The following TMCC1 variants were observed in gnomAD, a reference collection of about 807,000 sequenced individuals.
TMCC1 encodes transmembrane and coiled-coil domains protein 1.
A neutral mutation model predicts 52.4 loss-of-function variants in TMCC1; 15 were observed. That is an observed-to-expected ratio of 0.29 (90% CI 0.19 to 0.44). The LOEUF is 0.44. Ranked by LOEUF, TMCC1 falls within the 20% of genes least tolerant of loss-of-function variation. The probability of loss-of-function intolerance (pLI) is 1.00; values close to 1 mark genes in which losing one functional copy is unlikely to be tolerated. For synonymous variants in TMCC1, 279 were observed against 301.9 expected, an observed-to-expected ratio of 0.92 and a Z score of 0.79; for missense variants, 503 against 806.0, an observed-to-expected ratio of 0.62 and a Z score of 4.55.
intron 2 of TMCC1, among the ~76,000 whole-genome samples, chr3:129,843,229 C>T (rs1223175814): frequency 6.6e-6 from 1 of 152,006 alleles, no homozygotes; most frequent in South Asian, 2.1e-4. Context: ...TGCCTGTAGT[C>T]CCAGCTACTC....
At chr3:129,835,718 C>T (rs1292886188) in intron 2 of TMCC1, among the ~76,000 whole-genome samples, 1 of 152,064 alleles carries the variant, frequency 6.6e-6, no homozygotes, top group Non-Finnish European at 1.5e-5. Flanking sequence ...GGAGTGAGTA[C>T]ATACTGCATA....
intron 4 of TMCC1, among the ~76,000 whole-genome samples, chr3:129,691,351 C>G (rs1196258296): frequency 1.3e-5 from 2 of 152,124 alleles, no homozygotes; most frequent in Non-Finnish European, 2.9e-5. Context: ...GAGATTGAGA[C>G]CAGCCTGGGC....
intron 2 of TMCC1, among the ~76,000 whole-genome samples, chr3:129,838,920 T>C (rs1301761972): frequency 6.6e-6 from 1 of 152,062 alleles, no homozygotes; most frequent in African/African-American, 2.4e-5. Context: ...CGTAAGACAG[T>C]GGAGTGACAA....
At chr3:129,680,827 G>C (rs1023411180) in intron 4 of TMCC1, among the ~76,000 whole-genome samples, 1 of 151,998 alleles carries the variant, frequency 6.6e-6, no homozygotes, top group African/African-American at 2.4e-5. Context: ...CTTGAACCGG[G>C]GGGTGGAGGT....
intron 4 of TMCC1, among the ~76,000 whole-genome samples, chr3:129,715,301 G>A (rs908073521): frequency 1.3e-5 from 2 of 152,208 alleles, no homozygotes; most frequent in Non-Finnish European, 2.9e-5. Context: ...GCTCACGCCT[G>A]TAATCCCAGC....
intron 4 of TMCC1, among the ~76,000 whole-genome samples, chr3:129,775,281 C>T (rs1384683194): frequency 6.6e-6 from 1 of 151,976 alleles, no homozygotes; most frequent in Non-Finnish European, 1.5e-5. Context: ...AACCCCACCA[C>T]CACATCTTAA....
intron 4 of TMCC1, among the ~76,000 whole-genome samples, chr3:129,695,006 A>T (rs1313690048): frequency 4.7e-5 from 7 of 147,660 alleles, no homozygotes. Flanking sequence ...CTGAGATGGG[A>T]GAATCACTTA....
chr3:129,707,164 G>A (rs183257697), intron 4 of TMCC1, among the ~76,000 whole-genome samples: 1 of 152,276 alleles, frequency 6.6e-6, no homozygotes, highest in East Asian at 1.9e-4. Flanking sequence ...CTCCTTCAGG[G>A]AGCTCATGGC....
intron 4 of TMCC1, among the ~76,000 whole-genome samples, chr3:129,682,422 A>G (rs1167205447): frequency 6.6e-6 from 1 of 152,210 alleles, no homozygotes; most frequent in Non-Finnish European, 1.5e-5. Context: ...GCATTTTGCA[A>G]CTGTCATTAA....
chr3:129,884,577 C>A (rs1345058724), intron 1 of TMCC1, among the ~76,000 whole-genome samples: 1 of 152,196 alleles, frequency 6.6e-6, no homozygotes, highest in Non-Finnish European at 1.5e-5. Flanking sequence ...CACTTTCCTA[C>A]AAATCACAGT....
At chr3:129,686,826 C>T (rs147730391) in intron 4 of TMCC1, among the ~76,000 whole-genome samples, 1 of 152,142 alleles carries the variant, frequency 6.6e-6, no homozygotes, top group East Asian at 1.9e-4. Context: ...AAGGAGATTG[C>T]TACTTTAATC....
At chr3:129,770,215 C>T (rs2107699605) in intron 4 of TMCC1, among the ~76,000 whole-genome samples, 1 of 152,188 alleles carries the variant, frequency 6.6e-6, no homozygotes, top group East Asian at 1.9e-4. Flanking sequence ...TTTATTGAGG[C>T]ATTAAGAAAA....
chr3:129,674,990 A>G (rs2108899475), intron 4 of TMCC1, among the ~76,000 whole-genome samples: 1 of 152,234 alleles, frequency 6.6e-6, no homozygotes, highest in East Asian at 1.9e-4. Context: ...GGCGCACGCC[A>G]CCACACCCAG....
intron 4 of TMCC1, among the ~76,000 whole-genome samples, chr3:129,822,314 C>A (rs1364035585): frequency 6.6e-6 from 1 of 152,052 alleles, no homozygotes; most frequent in Non-Finnish European, 1.5e-5. Flanking sequence ...GTGGCACATG[C>A]CTATAGTCCT....
chr3:129,736,741 C>T (rs922127929), intron 4 of TMCC1, among the ~76,000 whole-genome samples: 2 of 151,848 alleles, frequency 1.3e-5, no homozygotes, highest in African/African-American at 2.4e-5. Flanking sequence ...AGGCTGGTCT[C>T]GAACTCCTGA....
At chr3:129,792,200 A>G (rs1244820718) in intron 4 of TMCC1, among the ~76,000 whole-genome samples, 2 of 150,418 alleles carry the variant, frequency 1.3e-5, no homozygotes, top group African/African-American at 2.4e-5. Context: ...ATATATATAT[A>G]TACACATATA....
intron 4 of TMCC1, among the ~76,000 whole-genome samples, chr3:129,685,858 ATCTG>A (rs973471762): frequency 6.6e-6 from 1 of 152,230 alleles, no homozygotes. Flanking sequence ...CAGGAAAAGC[ATCTG>A]TCTATCAAGC....
At chr3:129,658,813 C>A (rs1477917456) in intron 5 of TMCC1, among the ~76,000 whole-genome samples, 1 of 152,134 alleles carries the variant, frequency 6.6e-6, no homozygotes, top group Non-Finnish European at 1.5e-5. Context: ...GTAGCTTGTT[C>A]TTTGTAACTC....
intron 2 of TMCC1, among the ~76,000 whole-genome samples, chr3:129,867,581 TTATC>T (rs2060711859): frequency 6.6e-6 from 1 of 152,174 alleles, no homozygotes; most frequent in Non-Finnish European, 1.5e-5. Flanking sequence ...AATTAAAAAA[TTATC>T]TAGTCCTAAC....
Sources: allele counts gnomAD v4.1 joint callset (sites outside exome capture counted in the v4.1 genomes callset), GRCh38; gene constraint gnomAD v4.1.1; transcripts MANE v1.5; gene names NCBI Gene and HGNC (gene_info 2026-07-23, HGNC 2026-07-21).